Variants in TEAD1 observed in about 807,000 individuals in gnomAD.
The protein encoded by TEAD1 is TEA domain transcription factor 1.
A neutral mutation model predicts 54.9 loss-of-function variants in TEAD1; 9 were observed. That is an observed-to-expected ratio of 0.16 (90% CI 0.10 to 0.29). TEAD1 has a LOEUF of 0.29. Among genes scored for constraint, TEAD1 ranks in the 10% least tolerant of loss-of-function variants. The pLI is 1.00. For missense variants in TEAD1, 387 were observed against 535.9 expected (o/e 0.72, Z 2.74); for synonymous variants, 200 against 187.8 (o/e 1.07, Z -0.53).
intron 3 of TEAD1, among the ~76,000 whole-genome samples, chr11:12,781,378 A>G (rs1590144575): frequency 6.6e-6 from 1 of 152,198 alleles, no homozygotes; most frequent in Non-Finnish European, 1.5e-5. Context: ...CAAGAAAATG[A>G]AAAGGCAATC....
intron 11 of TEAD1, among the ~76,000 whole-genome samples, chr11:12,927,255 C>A (rs1396930275): frequency 6.6e-6 from 1 of 152,150 alleles, no homozygotes; most frequent in Non-Finnish European, 1.5e-5. Context: ...AAGTAGTAGT[C>A]CACTTATATT....
intron 3 of TEAD1, among the ~76,000 whole-genome samples, chr11:12,798,705 T>C (rs953859182): frequency 2.0e-5 from 3 of 152,356 alleles, no homozygotes; most frequent in East Asian, 3.9e-4. Context: ...GTATTTACGG[T>C]TGAGTTTGGC....
chr11:12,717,268 T>G (rs182908567), intron 2 of TEAD1, among the ~76,000 whole-genome samples: 246 of 152,314 alleles, frequency 1.6e-3, no homozygotes, highest in African/African-American at 5.4e-3. Flanking sequence ...CTTGGTATTG[T>G]GTGTTTTAAG....
chr11:12,886,090 C>G (rs1422958061), intron 9 of TEAD1, among the ~76,000 whole-genome samples: 8 of 152,076 alleles, frequency 5.3e-5, no homozygotes, highest in Admixed American at 5.2e-4. Context: ...GCCCTTAAGC[C>G]GAAAGATGGA....
intron 3 of TEAD1, among the ~76,000 whole-genome samples, chr11:12,769,195 C>T (rs926610919): frequency 9.9e-5 from 15 of 152,270 alleles, no homozygotes; most frequent in South Asian, 6.2e-4. Flanking sequence ...TACTGGTCAG[C>T]CCCAGAGACC....
At chr11:12,794,595 A>C (rs1261674543) in intron 3 of TEAD1, among the ~76,000 whole-genome samples, 1 of 152,168 alleles carries the variant, frequency 6.6e-6, no homozygotes, top group Admixed American at 6.5e-5. Flanking sequence ...CTGAACTTTG[A>C]CATCATCTCC....
At chr11:12,876,338 T>C (rs768587535) in intron 5 of TEAD1, among the ~76,000 whole-genome samples, 14 of 152,148 alleles carry the variant, frequency 9.2e-5, no homozygotes, top group Non-Finnish European at 1.9e-4. Context: ...TTCAAGCAAC[T>C]CAATAAAGCG....
intron 2 of TEAD1, among the ~76,000 whole-genome samples, chr11:12,684,092 G>C (rs1157308186): frequency 1.3e-5 from 2 of 152,148 alleles, no homozygotes; most frequent in African/African-American, 2.4e-5. Flanking sequence ...AACACCCAAG[G>C]CTGAGGCATT....
intron 9 of TEAD1, among the ~76,000 whole-genome samples, chr11:12,900,143 C>T (rs528083718): frequency 3.9e-5 from 6 of 152,252 alleles, no homozygotes; most frequent in African/African-American, 1.4e-4. Context: ...TCCATTACAC[C>T]TTCGATCTTC....
intron 2 of TEAD1, among the ~76,000 whole-genome samples, chr11:12,727,200 A>T (rs1297850830): frequency 6.6e-6 from 1 of 152,216 alleles, no homozygotes; most frequent in South Asian, 2.1e-4. Flanking sequence ...AGATGGCACC[A>T]TTGCACTCCA....
At chr11:12,852,608 A>C (rs895840541) in intron 3 of TEAD1, among the ~76,000 whole-genome samples, 2 of 151,832 alleles carry the variant, frequency 1.3e-5, no homozygotes, top group Non-Finnish European at 2.9e-5. Context: ...CCACCACGTC[A>C]GGCTAATTTT....
chr11:12,781,585 G>A (rs1367512843), intron 3 of TEAD1, among the ~76,000 whole-genome samples: 3 of 151,510 alleles, frequency 2.0e-5, no homozygotes, highest in Non-Finnish European at 4.4e-5. Flanking sequence ...TAGCTAGCAG[G>A]GAAATGCAAA....
intron 5 of TEAD1, chr11:12,879,436 A>C (rs1214949300): frequency 1.7e-6 from 1 of 602,918 alleles, no homozygotes; most frequent in Non-Finnish European, 3.0e-6. Flanking sequence ...TACGTTGTCC[A>C]CTCTTCTGAG....
intron 2 of TEAD1, among the ~76,000 whole-genome samples, chr11:12,704,493 T>C (rs1943771324): frequency 6.6e-6 from 1 of 152,242 alleles, no homozygotes; most frequent in South Asian, 2.1e-4. Flanking sequence ...TCCCCAACTA[T>C]TGTCCAGCTC....
At chr11:12,761,967 G>A (rs1400968030) in intron 2 of TEAD1, among the ~76,000 whole-genome samples, 1 of 152,124 alleles carries the variant, frequency 6.6e-6, no homozygotes, top group African/African-American at 2.4e-5. Context: ...GTGTGTTTTG[G>A]TCTGGAGACT....
intron 2 of TEAD1, among the ~76,000 whole-genome samples, chr11:12,737,468 G>A (rs974896598): frequency 6.6e-6 from 1 of 152,190 alleles, no homozygotes; most frequent in African/African-American, 2.4e-5. Context: ...CAGCTCACAA[G>A]CAAGTGTGTG....
intron 3 of TEAD1, among the ~76,000 whole-genome samples, chr11:12,780,967 C>T (rs961651959): frequency 3.3e-5 from 5 of 152,180 alleles, no homozygotes; most frequent in Non-Finnish European, 5.9e-5. Context: ...GAGCTACAGT[C>T]TGAATCAAGA....
intron 2 of TEAD1, among the ~76,000 whole-genome samples, chr11:12,676,242 T>A (rs1364675530): frequency 6.6e-6 from 1 of 152,244 alleles, no homozygotes; most frequent in Non-Finnish European, 1.5e-5. Context: ...TTCTCCCCGC[T>A]TTCCACCTTG....
chr11:12,710,882 G>A (rs763872683), intron 2 of TEAD1, among the ~76,000 whole-genome samples: 7 of 152,136 alleles, frequency 4.6e-5, no homozygotes, highest in Non-Finnish European at 7.4e-5. Context: ...GAGTGCTAGC[G>A]TCTCCTGGAA....
Sources: gnomAD v4.1 joint callset for allele counts (sites outside exome capture counted in the v4.1 genomes callset) on GRCh38, gnomAD v4.1.1 for gene constraint, MANE v1.5 for transcripts, NCBI Gene and HGNC (gene_info 2026-07-23, HGNC 2026-07-21) for gene names.